Variants in STARD13 observed in about 807,000 individuals in gnomAD.
The protein encoded by STARD13 is stAR-related lipid transfer protein 13.
In STARD13, 62 loss-of-function variants were observed where a neutral mutation model predicts 106.4. The ratio of observed to expected loss-of-function variants is 0.58; its 90% CI spans 0.48 to 0.72. The LOEUF is 0.72. STARD13 is among the 30% of genes least tolerant of loss of function. The pLI, the probability that STARD13 is intolerant of heterozygous loss-of-function variation, is 0.00. For synonymous variants in STARD13, 565 were observed against 553.0 expected (o/e 1.02, Z -0.31); for missense variants, 1,387 against 1,424.0 (o/e 0.97, Z 0.42).
At chr13:33,311,737 T>C (rs1893144529) in intron 1 of STARD13, among the ~76,000 whole-genome samples, 7 of 152,166 alleles carry the variant, frequency 4.6e-5, no homozygotes, top group Admixed American at 4.6e-4. Flanking sequence ...GATACAGAGA[T>C]GAAAGCACAA....
At chr13:33,669,587 G>A in the STARD13 span, among the ~76,000 whole-genome samples, 11 of 142,878 alleles carry the variant, frequency 7.7e-5, no homozygotes, top group South Asian at 2.2e-4. Flanking sequence ...CCAGACTGGA[G>A]TGCAGTGGTG....
chr13:33,174,275 CAT>C (rs539606786), intron 1 of STARD13, among the ~76,000 whole-genome samples: 2 of 151,858 alleles, frequency 1.3e-5, no homozygotes, highest in South Asian at 2.1e-4. Flanking sequence ...ATATAATTAA[CAT>C]ATATATATAC....
the STARD13 span, among the ~76,000 whole-genome samples, chr13:33,616,908 T>A: frequency 1.3e-3 from 192 of 152,294 alleles, 1 homozygote; most frequent in African/African-American, 4.4e-3. Context: ...ATGTGTCTTT[T>A]GAGACCTGAG....
chr13:33,456,314 C>A, the STARD13 span, among the ~76,000 whole-genome samples: 15 of 152,094 alleles, frequency 9.9e-5, no homozygotes, highest in Non-Finnish European at 5.9e-5. Context: ...CTCAGCCTCC[C>A]AAGTAGCTAG....
At chr13:33,125,984 G>C (rs1877097348) in intron 7 of STARD13, 97 bp downstream of exon 7, 1 of 1,363,788 alleles carries the variant, frequency 7.3e-7, no homozygotes, top group African/African-American at 1.4e-5. Flanking sequence ...GGCATGTCTT[G>C]CCTGATATTG....
At chr13:33,674,470 G>A in the STARD13 span, among the ~76,000 whole-genome samples, 1 of 152,310 alleles carries the variant, frequency 6.6e-6, no homozygotes, top group East Asian at 1.9e-4. Context: ...GTTTCATCAG[G>A]ATTTGGTTCT....
chr13:33,563,082 C>G, the STARD13 span, among the ~76,000 whole-genome samples: 1 of 146,242 alleles, frequency 6.8e-6, no homozygotes, highest in Non-Finnish European at 1.5e-5. Context: ...CACTGATGAA[C>G]GAAATTGAAG....
intron 1 of STARD13, among the ~76,000 whole-genome samples, chr13:33,317,768 C>T (rs141166729): frequency 8.5e-5 from 13 of 152,276 alleles, no homozygotes; most frequent in Admixed American, 7.8e-4. Flanking sequence ...ACAAAGTAAA[C>T]TCTATGAGAG....
chr13:33,180,643 G>A (rs1437600795), intron 1 of STARD13: 1 of 152,128 alleles, frequency 6.6e-6, no homozygotes, highest in Non-Finnish European at 1.5e-5. Flanking sequence ...CTCCCAGGTC[G>A]GCTTCCTAAG....
At chr13:33,220,247 G>A (rs1029376924) in intron 1 of STARD13, among the ~76,000 whole-genome samples, 3 of 152,216 alleles carry the variant, frequency 2.0e-5, no homozygotes, top group Non-Finnish European at 2.9e-5. Flanking sequence ...AATAATAAGG[G>A]AATGAATTTC....
Position 33,105,448 on chromosome 13 carries a change from A to G in STARD13, c.*145T>C, listed in dbSNP as rs984039614. On this transcript the variant is annotated 3_prime_UTR_variant, in exon 14 of 14. Transcript: ENST00000336934. ...TCTTGGAAATTCTTGCATCTCCAAC[A>G]TTCCAACTTCTTAACGTTTCCATTT... The G allele has an allele frequency of 6.5e-6, 4 of 611,854 alleles. No homozygotes were observed. The African/African-American group carries it at 7.3e-5, about 11-fold the overall frequency. 37.9% of individuals were successfully genotyped at this position (611,854 alleles called of 1,614,324 possible). A position where few individuals can be genotyped will look rare whatever the true frequency, so the allele number is the denominator to read the frequency against.
the STARD13 span, among the ~76,000 whole-genome samples, chr13:33,360,371 G>GT: frequency 2.0e-5 from 3 of 151,732 alleles, no homozygotes; most frequent in South Asian, 2.1e-4. Flanking sequence ...CTCCCGGCTA[G>GT]TTTTTTGTAT....
the STARD13 span, among the ~76,000 whole-genome samples, chr13:33,499,604 T>TTCTTC: frequency 3.5e-3 from 138 of 39,576 alleles, 3 homozygotes; most frequent in African/African-American, 6.6e-3. Context: ...CTTCTTCTTC[T>TTCTTC]TTCTTCTTCT....
chr13:33,543,049 A>G, the STARD13 span, among the ~76,000 whole-genome samples: 3 of 152,298 alleles, frequency 2.0e-5, no homozygotes, highest in East Asian at 5.8e-4. Context: ...ATGGAGCGGA[A>G]ACTGTTCTTT....
At chr13:33,200,007 A>T (rs1886904112) in intron 1 of STARD13, among the ~76,000 whole-genome samples, 1 of 152,246 alleles carries the variant, frequency 6.6e-6, no homozygotes, top group Non-Finnish European at 1.5e-5. Flanking sequence ...CTTTTATGGC[A>T]TAATCTTTGC....
At chr13:33,250,393 T>G (rs1890042078) in intron 1 of STARD13, among the ~76,000 whole-genome samples, 1 of 152,210 alleles carries the variant, frequency 6.6e-6, no homozygotes, top group Admixed American at 6.5e-5. Flanking sequence ...TATATAATTC[T>G]GGAGAATTTT....
downstream of STARD13, among the ~76,000 whole-genome samples, chr13:33,347,219 C>T (rs1375178277): frequency 6.6e-6 from 1 of 152,038 alleles, no homozygotes; most frequent in Non-Finnish European, 1.5e-5. Flanking sequence ...CTTACAATGC[C>T]GTGTTTTTAG....
At chr13:33,162,681 C>T (rs1372283278) in intron 3 of STARD13, among the ~76,000 whole-genome samples, 1 of 152,216 alleles carries the variant, frequency 6.6e-6, no homozygotes, top group African/African-American at 2.4e-5. Context: ...CACCTTTGCT[C>T]CTGTTCCCAA....
At chr13:33,505,402 T>A in the STARD13 span, among the ~76,000 whole-genome samples, 1 of 152,148 alleles carries the variant, frequency 6.6e-6, no homozygotes, top group African/African-American at 2.4e-5. Context: ...CTCACATTTT[T>A]TAAAAAGTCA....
Sources: gnomAD v4.1 joint callset for allele counts (sites outside exome capture counted in the v4.1 genomes callset) on GRCh38, gnomAD v4.1.1 for gene constraint, MANE v1.5 for transcripts, NCBI Gene and HGNC (gene_info 2026-07-23, HGNC 2026-07-21) for gene names.